The following FAM193A variants were observed in gnomAD, a reference collection of about 807,000 sequenced individuals.
The protein encoded by FAM193A is protein FAM193A.
A neutral mutation model predicts 126.5 loss-of-function variants in FAM193A; 22 were observed. The observed-to-expected ratio is 0.17, with a 90% CI of 0.12 to 0.25. FAM193A has a LOEUF of 0.25. Ranked by LOEUF, FAM193A falls within the 10% of genes least tolerant of loss-of-function variation. The pLI, the probability that FAM193A is intolerant of heterozygous loss-of-function variation, is 1.00. For missense variants in FAM193A, 1,675 were observed against 1,672.8 expected (o/e 1.00, Z -0.02); for synonymous variants, 761 against 646.8 (o/e 1.18, Z -2.68).
At chr4:2,713,878 A>G (rs1719262284) in intron 19 of FAM193A, among the ~76,000 whole-genome samples, 1 of 152,160 alleles carries the variant, frequency 6.6e-6, no homozygotes, top group African/African-American at 2.4e-5. Flanking sequence ...TGGATATAAA[A>G]TCCTTGGATC....
chr4:2,662,261 GAT>G (rs1712546596), intron 10 of FAM193A, among the ~76,000 whole-genome samples: 1 of 152,180 alleles, frequency 6.6e-6, no homozygotes, highest in Non-Finnish European at 1.5e-5. Flanking sequence ...TGCTAAAGCT[GAT>G]ATTTAATTAC....
At chr4:2,625,099 C>T (rs748133561) in intron 2 of FAM193A, among the ~76,000 whole-genome samples, 163 bp from the exon 3 acceptor site, 4 of 152,210 alleles carry the variant, frequency 2.6e-5, no homozygotes, top group Admixed American at 6.5e-5. Flanking sequence ...TCCCAAAGTG[C>T]TGAGATTACA....
intron 10 of FAM193A, among the ~76,000 whole-genome samples, chr4:2,661,028 T>C (rs188943623): frequency 6.6e-5 from 10 of 151,968 alleles, no homozygotes; most frequent in East Asian, 1.9e-4. Context: ...ATTAAACATA[T>C]ATAGCCTAAT....
chr4:2,639,367 C>G (rs778166163), intron 5 of FAM193A, among the ~76,000 whole-genome samples: 2 of 152,182 alleles, frequency 1.3e-5, no homozygotes, highest in Non-Finnish European at 2.9e-5. Flanking sequence ...TGTATCTAAA[C>G]TGTTTGAACT....
intron 19 of FAM193A, among the ~76,000 whole-genome samples, chr4:2,706,352 A>G (rs981485258): frequency 4.2e-5 from 6 of 141,552 alleles, no homozygotes; most frequent in Non-Finnish European, 7.5e-5. Context: ...GCTGGAGTAC[A>G]ATGGCATGAT....
At chr4:2,536,455 T>G (rs1408959027), upstream of FAM193A, among the ~76,000 whole-genome samples, 1 of 151,514 alleles carries the variant, frequency 6.6e-6, no homozygotes, top group Non-Finnish European at 1.5e-5. Flanking sequence ...CCCCAGCTGC[T>G]GCACGGGCAG....
chr4:2,578,211 CG>C (rs1560456201), intron 1 of FAM193A, among the ~76,000 whole-genome samples: 14 of 152,240 alleles, frequency 9.2e-5, no homozygotes. Context: ...AGACCACAGG[CG>C]CATGCCACCC....
At position 2,693,678 on chromosome 4, in the gene FAM193A, G is replaced by A; in HGVS notation, c.2896G>A (p.Ala966Thr). 1 of 1,614,184 alleles carries A rather than the reference G, an allele frequency of 6.2e-7. No homozygotes were observed. The highest frequency in any genetic ancestry group is 8.5e-7 in the Non-Finnish European group (1 of 1,180,024). ...CCCCACGGGCTTGGCCCCCCTCCCA[G>A]CGCTCTCGCCTGCTGCGCTGTCACC... is the stretch of plus-strand genomic sequence containing the variant. ...NSPTGLAPLP[A>T]LSPAALSPAA... Residue 966 changes from alanine (A) to threonine (T), a missense_variant, in exon 16 of 21, where the codon GCG becomes ACG. Coordinates refer to ENST00000637812, the MANE Select transcript of FAM193A (RefSeq NM_001366318.2).
At chr4:2,587,518 C>G (rs193092160) in intron 1 of FAM193A, among the ~76,000 whole-genome samples, 34 of 152,158 alleles carry the variant, frequency 2.2e-4, no homozygotes, top group African/African-American at 8.0e-4. Context: ...CTAGCAAAAC[C>G]TCGTCTCTGC....
chr4:2,666,997 T>C (rs1259507205), intron 12 of FAM193A, among the ~76,000 whole-genome samples: 1 of 152,256 alleles, frequency 6.6e-6, no homozygotes, highest in Non-Finnish European at 1.5e-5. Context: ...TTTTGCTTGC[T>C]CTTCCTTTTC....
rs1216405649 is a variant in FAM193A at position 2,596,285 on chromosome 4, A to G, written c.457A>G (p.Thr153Ala). 1 of 702,978 alleles carries G rather than the reference A, an allele frequency of 1.4e-6. No homozygotes were observed. Among genetic ancestry groups the G allele is most frequent in the South Asian group, 1.5e-5 (1 of 67,606 alleles). The allele number at this position is 702,978 out of a possible 1,614,324, so 43.5% of individuals were successfully genotyped here. ...PLWVCPDCRRTVEKEERHGGL... is the reference protein window; with the variant it reads ...PLWVCPDCRRAVEKEERHGGL... ...GTGGGTGTGCCCGGACTGCCGCAGG[A>G]CCGTGGAGAAGGAGGAGAGGCATGG... Residue 153 changes from threonine (T) to alanine (A), a missense_variant, in exon 2 of 21, where the codon ACC becomes GCC. Around this residue, in one of 4 missense-constraint regions of FAM193A, gnomAD observed 1,186 missense variants for 1,109.2 expected, o/e 1.07. Transcript: ENST00000637812.
chr4:2,621,220 C>G (rs1376404385), intron 2 of FAM193A, among the ~76,000 whole-genome samples: 1 of 152,176 alleles, frequency 6.6e-6, no homozygotes, highest in East Asian at 1.9e-4. Context: ...ACCCATAGGA[C>G]CACACATTGT....
chr4:2,572,196 G>A (rs1281762157), intron 1 of FAM193A, among the ~76,000 whole-genome samples: 2 of 150,058 alleles, frequency 1.3e-5, no homozygotes, highest in Non-Finnish European at 3.0e-5. Flanking sequence ...GGGTGTGGTT[G>A]TGTGTGCCAG....
Position 2,625,415 on chromosome 4 carries a change from C to T in FAM193A, c.635+20C>T, listed in dbSNP as rs1450582283. ...GCGCAGGTATGTGACGTGTGTGCCA[C>T]GTTGCTCACACCTGTCCACAATGAC... is the stretch of plus-strand genomic sequence containing the variant. On this transcript the variant is annotated intron_variant, in intron 3 of 20. Transcript: ENST00000637812. 1.3e-5 allele frequency: 9 copies of T among 695,014 alleles called. No individual in the cohort carries two copies. Among genetic ancestry groups the T allele is most frequent in the East Asian group, 2.7e-5 (1 of 37,038 alleles). 43.1% of individuals were successfully genotyped at this position (695,014 alleles called of 1,614,324 possible). A position where few individuals can be genotyped will look rare whatever the true frequency, so the allele number is the denominator to read the frequency against.
chr4:2,557,934 AGAG>A (rs1738358304), intron 1 of FAM193A, among the ~76,000 whole-genome samples: 1 of 151,822 alleles, frequency 6.6e-6, no homozygotes, highest in Non-Finnish European at 1.5e-5. Context: ...CCTGGGTGAC[AGAG>A]TGAGACTCCG....
chr4:2,660,066 C>T lies in FAM193A; in HGVS notation c.1745+12C>T. The T allele has an allele frequency of 6.2e-7, 1 of 1,612,152 alleles. No homozygotes were observed. The highest frequency in any genetic ancestry group is 8.5e-7 in the Non-Finnish European group (1 of 1,178,532). On this transcript the variant is annotated intron_variant, in intron 10 of 20. Coordinates refer to ENST00000637812, the MANE Select transcript of FAM193A (RefSeq NM_001366318.2). ...TCGGCACCAACTTTGTAAGTTGTGA[C>T]TTTGTAATAAAGTTTCCGAAATTTA...
At chr4:2,676,973 G>A (rs1268024579) in intron 13 of FAM193A, among the ~76,000 whole-genome samples, 1 of 151,998 alleles carries the variant, frequency 6.6e-6, no homozygotes, top group African/African-American at 2.4e-5. Flanking sequence ...AGTCCAATTT[G>A]TCTATTCTTT....
chr4:2,644,303 A>T (rs551095214), intron 6 of FAM193A, among the ~76,000 whole-genome samples: 1 of 152,228 alleles, frequency 6.6e-6, no homozygotes, highest in South Asian at 2.1e-4. Context: ...TTCCAGGAGG[A>T]GCGGGACAAG....
At chr4:2,612,916 A>C (rs772943012) in intron 2 of FAM193A, among the ~76,000 whole-genome samples, 7 of 152,212 alleles carry the variant, frequency 4.6e-5, no homozygotes, top group Non-Finnish European at 7.3e-5. Context: ...TTGCATTGCT[A>C]TGTAAACTTT....
Sources: allele counts gnomAD v4.1 joint callset (sites outside exome capture counted in the v4.1 genomes callset), GRCh38; gene constraint gnomAD v4.1.1; regional missense constraint gnomAD v4.1.1; transcripts MANE v1.5; gene names NCBI Gene and HGNC (gene_info 2026-07-23, HGNC 2026-07-21).